Variants in PDE4D observed in about 807,000 individuals in gnomAD.
PDE4D encodes 3',5'-cyclic-AMP phosphodiesterase 4D.
PDE4D carries 24 observed loss-of-function variants against 87.4 expected under a neutral mutation model. The ratio of observed to expected loss-of-function variants is 0.27; its 90% confidence interval spans 0.20 to 0.39. PDE4D has a LOEUF of 0.39. PDE4D is among the 10% of genes least tolerant of loss of function. The pLI is 1.00. For synonymous variants in PDE4D, 384 were observed against 383.2 expected, an observed-to-expected ratio of 1.00 and a Z score of -0.02; for missense variants, 714 against 1,041.0, an observed-to-expected ratio of 0.69 and a Z score of 4.32.
chr5:60,239,570 T>A (rs1446247052), intron 1 of PDE4D, among the ~76,000 whole-genome samples: 1 of 152,280 alleles, frequency 6.6e-6, no homozygotes, highest in African/African-American at 2.4e-5. Context: ...GCTTTAAGTA[T>A]AGTATATCTT....
At chr5:60,427,280 A>G (rs1190996621) in intron 1 of PDE4D, among the ~76,000 whole-genome samples, 1 of 152,210 alleles carries the variant, frequency 6.6e-6, no homozygotes, top group Non-Finnish European at 1.5e-5. Flanking sequence ...CACATCCAAG[A>G]TAAAGAGGAA....
chr5:59,230,178 C>A (rs1219825961), intron 1 of PDE4D, among the ~76,000 whole-genome samples: 1 of 152,144 alleles, frequency 6.6e-6, no homozygotes, highest in African/African-American at 2.4e-5. Flanking sequence ...CTCCCTCTCT[C>A]CCTCCCTCTC....
At chr5:60,091,279 T>C (rs1244388298) in intron 2 of PDE4D, among the ~76,000 whole-genome samples, 2 of 152,066 alleles carry the variant, frequency 1.3e-5, no homozygotes, top group African/African-American at 4.8e-5. Context: ...ATCCAGAATA[T>C]ACAAGGTAAA....
At chr5:59,307,468 A>G (rs1771623490) in intron 1 of PDE4D, among the ~76,000 whole-genome samples, 1 of 152,158 alleles carries the variant, frequency 6.6e-6, no homozygotes, top group African/African-American at 2.4e-5. Context: ...TCATCTGACA[A>G]AGGGCTAACA....
Position 59,812,520 on chromosome 5 carries a change from G to T in PDE4D, c.455+80648C>A, listed in dbSNP as rs1581219715. Among the ~76,000 whole-genome samples, 4 of 151,976 alleles carry T rather than the reference G, an allele frequency of 2.6e-5. No individual in the cohort carries two copies. In the South Asian group the frequency reaches 8.3e-4, roughly 32 times the overall value. ...AAACCCTGTCTCTACTAAAAATACA[G>T]AAATTAGCCAGGCGTGGTGGCGCAT... On this transcript the variant is annotated intron_variant, in intron 1 of 14. Transcript: ENST00000340635.
chr5:59,490,607 A>G (rs1259517670), intron 1 of PDE4D, among the ~76,000 whole-genome samples: 1 of 152,218 alleles, frequency 6.6e-6, no homozygotes, highest in African/African-American at 2.4e-5. Flanking sequence ...ATTTCTTTAT[A>G]TGTTACATGC....
chr5:59,402,989 T>A (rs1209451145), intron 1 of PDE4D, among the ~76,000 whole-genome samples: 1 of 152,232 alleles, frequency 6.6e-6, no homozygotes, highest in Non-Finnish European at 1.5e-5. Context: ...GCCATAATTA[T>A]GTTTTATTTA....
intron 1 of PDE4D, among the ~76,000 whole-genome samples, chr5:60,468,130 C>CTTTTTTTTTTTTTTTTTTTTTTTTTTT (rs370784270): frequency 7.9e-6 from 1 of 126,186 alleles, no homozygotes; most frequent in African/African-American, 3.1e-5. Flanking sequence ...AACTTTCTTT[C>CTTTTTTTTTTTTTTTTTTTTTTTTTTT]TTTTTTCTTT....
chr5:59,653,307 A>C (rs1327044443), intron 1 of PDE4D, among the ~76,000 whole-genome samples: 7 of 150,550 alleles, frequency 4.6e-5, no homozygotes, highest in Non-Finnish European at 1.0e-4. Context: ...CCCAGGTTAA[A>C]GCAATTATGC....
intron 1 of PDE4D, among the ~76,000 whole-genome samples, chr5:59,697,183 T>C (rs763327596): frequency 6.6e-6 from 1 of 152,212 alleles, no homozygotes; most frequent in Non-Finnish European, 1.5e-5. Flanking sequence ...TATTCATCCA[T>C]TGAATCAGCA....
At chr5:59,008,832 AG>A (rs779173093) in intron 6 of PDE4D, among the ~76,000 whole-genome samples, 16 of 152,154 alleles carry the variant, frequency 1.1e-4, no homozygotes, top group Non-Finnish European at 2.1e-4. Flanking sequence ...TATCAAATAA[AG>A]GACTTGTATC....
intron 1 of PDE4D, among the ~76,000 whole-genome samples, chr5:59,455,375 G>A (rs73097336): frequency 0.069 from 10,459 of 152,276 alleles, 1,127 homozygotes; most frequent in African/African-American, 0.23. Context: ...TGGATTCAGA[G>A]GGTGCAAACC....
rs1200729501 is a variant in PDE4D at position 59,870,758 on chromosome 5, T to C, written c.455+22410A>G. Among the ~76,000 whole-genome samples the C allele has an allele frequency of 2.6e-5, 4 of 152,186 alleles. No homozygotes were observed. The East Asian group carries it at 5.8e-4, about 22-fold the overall frequency. On this transcript the variant is annotated intron_variant, in intron 1 of 14. Coordinates refer to ENST00000340635, the MANE Select transcript of PDE4D (RefSeq NM_001104631.2). ...TGCTGCCAAGACAGGGAGATTGTAC[T>C]GAAATGTACATTTCAGAGCCAAATT...
chr5:58,977,112 A>C, intron 12 of PDE4D, 79 bp downstream of exon 12: 1 of 1,306,684 alleles, frequency 7.7e-7, no homozygotes, highest in Non-Finnish European at 1.1e-6. Context: ...CTTTTACCTA[A>C]TACTCATCTT....
intron 5 of PDE4D, among the ~76,000 whole-genome samples, chr5:59,095,568 C>A (rs188399043): frequency 6.6e-6 from 1 of 152,208 alleles, no homozygotes; most frequent in African/African-American, 2.4e-5. Context: ...TTGAACATTT[C>A]TATTGTACCA....
intron 1 of PDE4D, among the ~76,000 whole-genome samples, chr5:60,320,185 G>C (rs532140617): frequency 5.9e-5 from 9 of 152,218 alleles, no homozygotes; most frequent in African/African-American, 9.6e-5. Flanking sequence ...GCAATGGCGG[G>C]AGCCCCTCCC....
chr5:60,243,088 GA>G (rs1271206530), intron 1 of PDE4D, among the ~76,000 whole-genome samples: 1 of 151,514 alleles, frequency 6.6e-6, no homozygotes, highest in East Asian at 1.9e-4. Context: ...GCCAGATTAA[GA>G]AAAAAGAGAG....
intron 2 of PDE4D, among the ~76,000 whole-genome samples, chr5:60,062,183 A>G (rs1007087150): frequency 6.6e-6 from 1 of 152,214 alleles, no homozygotes. Flanking sequence ...GCTACCATCC[A>G]TAATTTACAA....
intron 6 of PDE4D, among the ~76,000 whole-genome samples, chr5:58,994,501 C>CA (rs11350151): frequency 2.0e-5 from 3 of 151,474 alleles, no homozygotes; most frequent in Non-Finnish European, 4.4e-5. Context: ...AGATACTTGA[C>CA]AAAAAAAAGT....
Sources: allele counts gnomAD v4.1 joint callset (sites outside exome capture counted in the v4.1 genomes callset), GRCh38; gene constraint gnomAD v4.1.1; transcripts MANE v1.5; gene names NCBI Gene and HGNC (gene_info 2026-07-23, HGNC 2026-07-21).